The following NRG3 variants were observed in gnomAD, a reference collection of about 807,000 sequenced individuals.
The protein encoded by NRG3 is neuregulin 3.
Under a neutral mutation model 66.9 loss-of-function variants are expected in NRG3, and 31 were observed. The ratio of observed to expected loss-of-function variants is 0.46; its 90% CI spans 0.35 to 0.63. The LOEUF is 0.63. Ranked by LOEUF, NRG3 falls within the 20% of genes least tolerant of loss-of-function variation. The probability of loss-of-function intolerance (pLI) is 0.00; values close to 1 mark genes in which losing one functional copy is unlikely to be tolerated. For synonymous variants in NRG3, 393 were observed against 359.4 expected (o/e 1.09, Z -1.06); for missense variants, 910 against 878.9 (o/e 1.04, Z -0.45).
At chr10:82,860,973 C>A (rs1031950491) in intron 3 of NRG3, among the ~76,000 whole-genome samples, 1 of 152,088 alleles carries the variant, frequency 6.6e-6, no homozygotes, top group African/African-American at 2.4e-5. Context: ...AGAAATAGTG[C>A]GATTTATGAT....
chr10:82,959,057 C>A lies in NRG3; in HGVS notation c.1266C>A (p.Ser422Arg). 1 of 1,601,986 alleles carries A rather than the reference C, an allele frequency of 6.2e-7. No individual in the cohort carries two copies. The highest frequency in any genetic ancestry group is 1.8e-5 in the Admixed American group (1 of 56,788). ...CAAAGTCAGAGAACTTGGTGAAGAG[C>A]CATGTCCAGCTGCAAAATGTAAGTG... ...TMAKSENLVK[S>R]HVQLQNYSKV... The change falls in exon 6 of 9, where the codon AGC becomes AGA. Residue 422 changes from serine (S) to arginine (R), a missense_variant. Coordinates refer to ENST00000372141, the MANE Select transcript of NRG3 (RefSeq NM_001010848.4).
At chr10:82,235,519 C>T (rs72825490) in intron 1 of NRG3, among the ~76,000 whole-genome samples, 19,814 of 152,114 alleles carry the variant, frequency 0.13, 1,374 homozygotes, top group East Asian at 0.22. Flanking sequence ...TTTACTTAAT[C>T]GATAAAGAAA....
chr10:82,816,747 A>G (rs922206998), intron 3 of NRG3, among the ~76,000 whole-genome samples: 3 of 152,056 alleles, frequency 2.0e-5, no homozygotes, highest in Non-Finnish European at 4.4e-5. Flanking sequence ...AGCAGCCCCA[A>G]CTCAGAAGGA....
intron 2 of NRG3, among the ~76,000 whole-genome samples, chr10:82,387,028 G>A (rs1467610212): frequency 6.6e-6 from 1 of 152,180 alleles, no homozygotes; most frequent in African/African-American, 2.4e-5. Flanking sequence ...TCGAACTCCT[G>A]ACTTCAAGTG....
At chr10:82,634,864 G>A (rs1037193538) in intron 2 of NRG3, among the ~76,000 whole-genome samples, 15 of 152,168 alleles carry the variant, frequency 9.9e-5, no homozygotes, top group African/African-American at 3.4e-4. Context: ...TGTAGGGGTA[G>A]AAGACAAGAG....
At chr10:82,166,993 T>C (rs2072124862) in intron 1 of NRG3, among the ~76,000 whole-genome samples, 1 of 152,054 alleles carries the variant, frequency 6.6e-6, no homozygotes, top group South Asian at 2.1e-4. Flanking sequence ...TTCCTATGTA[T>C]GTAACGCATC....
chr10:82,634,581 G>A (rs185138538), intron 2 of NRG3, among the ~76,000 whole-genome samples: 1 of 152,290 alleles, frequency 6.6e-6, no homozygotes, highest in Admixed American at 6.5e-5. Flanking sequence ...GAGAGCCAAT[G>A]CTTTCCTCTC....
chr10:82,252,479 A>G lies in NRG3; in HGVS notation c.824-106260A>G, dbSNP rs568753350. 1.5e-4 allele frequency among the ~76,000 whole-genome samples: 23 copies of G among 152,318 alleles called. No individual in the cohort carries two copies. The South Asian group carries it at 3.1e-3, about 21-fold the overall frequency. On this transcript the variant is annotated intron_variant, in intron 1 of 8. Coordinates refer to ENST00000372141, the MANE Select transcript of NRG3 (RefSeq NM_001010848.4). ...CTAGGTACTTTCCATGCCTACTTCT[A>G]TGTGATTCTCATAAAAACCTCTGTG... is the stretch of plus-strand genomic sequence containing the variant.
intron 6 of NRG3, among the ~76,000 whole-genome samples, chr10:82,965,160 A>G (rs978674752): frequency 3.3e-5 from 5 of 152,186 alleles, no homozygotes; most frequent in Non-Finnish European, 5.9e-5. Flanking sequence ...CATTGAATGA[A>G]CTGGGGCATC....
intron 2 of NRG3, among the ~76,000 whole-genome samples, chr10:82,434,966 G>T (rs2090042796): frequency 6.6e-6 from 1 of 152,128 alleles, no homozygotes; most frequent in Non-Finnish European, 1.5e-5. Flanking sequence ...CATAAAATGA[G>T]TTAGGGAGGA....
chr10:82,522,582 T>C (rs1846298669), intron 2 of NRG3, among the ~76,000 whole-genome samples: 1 of 152,094 alleles, frequency 6.6e-6, no homozygotes, highest in South Asian at 2.1e-4. Flanking sequence ...AGTGTGCATA[T>C]GTTGTTTGCA....
chr10:82,444,141 C>T (rs1458766734), intron 2 of NRG3, among the ~76,000 whole-genome samples: 2 of 152,154 alleles, frequency 1.3e-5, no homozygotes, highest in African/African-American at 2.4e-5. Context: ...CTTGCTCTAT[C>T]GCCCAGGCTG....
intron 1 of NRG3, among the ~76,000 whole-genome samples, chr10:82,087,860 A>C (rs951307258): frequency 3.3e-5 from 5 of 152,156 alleles, no homozygotes; most frequent in African/African-American, 1.2e-4. Context: ...AGCACATCCT[A>C]GTTCCCTGGC....
chr10:82,108,807 G>C (rs527629862), intron 1 of NRG3, among the ~76,000 whole-genome samples: 11 of 152,320 alleles, frequency 7.2e-5, no homozygotes, highest in African/African-American at 2.6e-4. Context: ...TTAGCAATGA[G>C]TGAAAGCTCA....
chr10:82,031,352 A>G (rs913028694), intron 1 of NRG3, among the ~76,000 whole-genome samples: 2 of 152,136 alleles, frequency 1.3e-5, no homozygotes, highest in African/African-American at 2.4e-5. Flanking sequence ...TGTCAGGGTT[A>G]ATACTTTACA....
chr10:82,474,589 T>G (rs1406041345), intron 2 of NRG3, among the ~76,000 whole-genome samples: 2 of 151,884 alleles, frequency 1.3e-5, no homozygotes, highest in Admixed American at 1.3e-4. Context: ...GAAAAATGAA[T>G]GAAGAAAAGT....
intron 1 of NRG3, among the ~76,000 whole-genome samples, chr10:82,286,145 AGGAAG>A (rs533286309): frequency 1.3e-5 from 2 of 152,316 alleles, no homozygotes; most frequent in African/African-American, 4.8e-5. Context: ...GAGCGCAGGT[AGGAAG>A]GGTAAGAGTC....
At chr10:82,914,198 G>A (rs1274360822) in intron 4 of NRG3, among the ~76,000 whole-genome samples, 1 of 151,566 alleles carries the variant, frequency 6.6e-6, no homozygotes, top group South Asian at 2.1e-4. Context: ...GTTATTGCAT[G>A]TTGTGTACTT....
chr10:82,945,619 A>C, intron 4 of NRG3, among the ~76,000 whole-genome samples: 1 of 152,142 alleles, frequency 6.6e-6, no homozygotes, highest in Admixed American at 6.5e-5. Flanking sequence ...TCTTATCAGA[A>C]GCCCACTCTT....
Sources: allele counts gnomAD v4.1 joint callset (sites outside exome capture counted in the v4.1 genomes callset), GRCh38; gene constraint gnomAD v4.1.1; transcripts MANE v1.5; gene names NCBI Gene and HGNC (gene_info 2026-07-23, HGNC 2026-07-21).